The following PHKG2 variants were observed in gnomAD, a reference collection of about 807,000 sequenced individuals.
PHKG2 encodes phosphorylase b kinase gamma catalytic chain, liver/testis isoform.
PHKG2 carries 28 observed loss-of-function variants against 44.5 expected under a neutral mutation model. The observed-to-expected ratio is 0.63, with a 90% CI of 0.47 to 0.86. The LOEUF is 0.86. Ranked by LOEUF, PHKG2 falls within the 40% of genes least tolerant of loss-of-function variation. PHKG2 has a pLI of 0.00. For synonymous variants in PHKG2, 220 were observed against 211.2 expected (o/e 1.04, Z -0.36); for missense variants, 498 against 547.5 (o/e 0.91, Z 0.90).
intron 2 of PHKG2, among the ~76,000 whole-genome samples, 170 bp downstream of exon 2, chr16:30,749,085 GTGGTGCTGCTGCTGCTGCTGC>G (rs1567259465): frequency 0.031 from 766 of 24,702 alleles, 147 homozygotes; most frequent in Non-Finnish European, 0.045. Flanking sequence ...GGTGGTGGTG[GTGGTGCTGCTGCTGCTGCTGC>G]TGCTGGTGGT....
In PHKG2 at chr16:30,757,112, G is replaced by C. The variant is rs1804159; in HGVS notation, c.*15G>C. 3 of 1,612,624 alleles carry C rather than the reference G, an allele frequency of 1.9e-6. No homozygotes were observed. Among genetic ancestry groups the C allele is most frequent in the Non-Finnish European group, 2.5e-6 (3 of 1,180,004 alleles). On this transcript the variant is annotated 3_prime_UTR_variant, in exon 10 of 10. Coordinates refer to ENST00000563588, the MANE Select transcript of PHKG2 (RefSeq NM_000294.3). Reference sequence around the variant, plus strand: ...TGCTGGGCTAGGACCTCAACCCCAGGGATTCCCAGGAAGCAGAACTCTCCA... The same window carrying C: ...TGCTGGGCTAGGACCTCAACCCCAGCGATTCCCAGGAAGCAGAACTCTCCA...
chr16:30,757,712 G>A lies in PHKG2; in HGVS notation c.*615G>A. On this transcript the variant is annotated 3_prime_UTR_variant, in exon 10 of 10. Coordinates refer to ENST00000563588, the MANE Select transcript of PHKG2 (RefSeq NM_000294.3). ...GAGAGATGCTGTCTGGCAATGGGGG[G>A]ATGGTCCCTAGTTGGGCAAACAGTC... The A allele has an allele frequency of 6.5e-7, 1 of 1,548,458 alleles. No individual in the cohort carries two copies.
chr16:30,749,984 C>T (rs1029711668), intron 2 of PHKG2, among the ~76,000 whole-genome samples: 3 of 151,818 alleles, frequency 2.0e-5, no homozygotes, highest in South Asian at 2.1e-4. Flanking sequence ...TCTTTAAAAT[C>T]GCAAAAATGT....
intron 2 of PHKG2, among the ~76,000 whole-genome samples, chr16:30,749,496 C>T (rs1056213982): frequency 5.9e-5 from 9 of 151,712 alleles, no homozygotes; most frequent in Non-Finnish European, 1.3e-4. Flanking sequence ...TACAGGCGCG[C>T]GCCACCACGC....
intron 1 of PHKG2, 61 bp downstream of exon 1, chr16:30,748,551 A>C (rs2053282753): frequency 5.8e-6 from 3 of 519,758 alleles, no homozygotes; most frequent in Non-Finnish European, 1.0e-5. Context: ...CTGCGCGGCA[A>C]CAGCCGCCTG....
At chr16:30,751,488 C>T (rs1008628297) in intron 3 of PHKG2, 61 bp from the exon 4 acceptor site, 10 of 1,505,718 alleles carry the variant, frequency 6.6e-6, no homozygotes, top group African/African-American at 1.4e-5. Context: ...GGCCAAGCCC[C>T]GTTAATGTGC....
chr16:30,760,917 T>C lies in PHKG2; in HGVS notation c.*3820T>C. The C allele has an allele frequency of 1.6e-6, 1 of 613,484 alleles. No homozygotes were observed. Among genetic ancestry groups the C allele is most frequent in the Non-Finnish European group, 2.9e-6 (1 of 347,370 alleles). 38.0% of individuals were successfully genotyped at this position (613,484 alleles called of 1,614,324 possible). On this transcript the variant is annotated 3_prime_UTR_variant, in exon 10 of 10. Transcript: ENST00000563588. ...GCTCTGCCACTACCTTGTATGACCT[T>C]GGTCAAGTACTCCCTGTGGCCCTCA... is the stretch of plus-strand genomic sequence containing the variant.
At chr16:30,750,192 A>C (rs577091481) in intron 2 of PHKG2, among the ~76,000 whole-genome samples, 2 of 152,072 alleles carry the variant, frequency 1.3e-5, no homozygotes, top group Admixed American at 1.3e-4. Flanking sequence ...TGATGTATGA[A>C]TTCAGATTTG....
intron 2 of PHKG2, among the ~76,000 whole-genome samples, chr16:30,749,327 A>C (rs1485383508): frequency 6.6e-6 from 1 of 151,442 alleles, no homozygotes; most frequent in Admixed American, 6.6e-5. Context: ...TCAGGAGAAG[A>C]CTGGATAGTT....
intron 2 of PHKG2, among the ~76,000 whole-genome samples, chr16:30,749,177 G>GT: frequency 7.0e-6 from 1 of 142,948 alleles, no homozygotes; most frequent in Non-Finnish European, 1.5e-5. Context: ...TGGTGCTGGT[G>GT]GTGGTGCTGG....
chr16:30,753,362 G>C, intron 5 of PHKG2, 32 bp from the exon 6 acceptor site: 1 of 1,613,798 alleles, frequency 6.2e-7, no homozygotes, highest in Middle Eastern at 1.6e-4. Flanking sequence ...AGGAGCCGAG[G>C]AGGAGACTGC....
At position 30,757,169 on chromosome 16, in the gene PHKG2, GGGCTC is replaced by G; in HGVS notation, c.*73_*77del. On this transcript the variant is annotated 3_prime_UTR_variant, in exon 10 of 10. Coordinates refer to ENST00000563588, the MANE Select transcript of PHKG2 (RefSeq NM_000294.3). ...GGGTTTTGATCATTCCAGCTCCTCT[GGGCTC>G]TGGCCTCTGGCCTCAGGCCCACTAA... 2.1e-6 allele frequency: 3 copies of G among 1,456,020 alleles called. No homozygotes were observed. The highest frequency in any genetic ancestry group is 2.7e-6 in the Non-Finnish European group (3 of 1,108,154). The allele number at this position is 1,456,020 out of a possible 1,614,324, so 90.2% of individuals were successfully genotyped here.
At position 30,760,344 on chromosome 16, in the gene PHKG2, A is replaced by G; in HGVS notation, c.*3247A>G. 1 of 1,614,242 alleles carries G rather than the reference A, an allele frequency of 6.2e-7. No individual in the cohort carries two copies. Among genetic ancestry groups the G allele is most frequent in the Non-Finnish European group, 8.5e-7 (1 of 1,180,048 alleles). ...CAAGCCGCTGACGTCTGCTCCAGTG[A>G]GAAGCCCTGCTGGCGGCAGAAAATG... is the stretch of plus-strand genomic sequence containing the variant. On this transcript the variant is annotated 3_prime_UTR_variant, in exon 10 of 10. Coordinates refer to ENST00000563588, the MANE Select transcript of PHKG2 (RefSeq NM_000294.3).
Position 30,759,724 on chromosome 16 carries a change from G to A in PHKG2, c.*2627G>A. On this transcript the variant is annotated 3_prime_UTR_variant, in exon 10 of 10. Coordinates refer to ENST00000563588, the MANE Select transcript of PHKG2 (RefSeq NM_000294.3). ...CTCCTCCACGTTGCCCAAGGGGGTT[G>A]CTGGTAGGGAAAGCAAGATGCAGCA... The A allele has an allele frequency of 6.2e-7, 1 of 1,606,532 alleles. No homozygotes were observed. Among genetic ancestry groups the A allele is most frequent in the Non-Finnish European group, 8.5e-7 (1 of 1,175,804 alleles).
In PHKG2 at chr16:30,760,134, A is replaced by G; in HGVS notation, c.*3037A>G. The G allele has an allele frequency of 6.4e-7, 1 of 1,560,030 alleles. No homozygotes were observed. Among genetic ancestry groups the G allele is most frequent in the Non-Finnish European group, 8.6e-7 (1 of 1,159,300 alleles). ...TAATTTCTAGATAAGGAAGCAGTGG[A>G]TTGGAAAGCTGATGGCTTGTGTATG... On this transcript the variant is annotated 3_prime_UTR_variant, in exon 10 of 10. Coordinates refer to ENST00000563588, the MANE Select transcript of PHKG2 (RefSeq NM_000294.3).
intron 4 of PHKG2, chr16:30,752,953 C>A: frequency 8.1e-6 from 4 of 492,710 alleles, no homozygotes; most frequent in Non-Finnish European, 1.5e-5. Context: ...CTTTTTCAGG[C>A]ATAGTTACTC....
At position 30,757,569 on chromosome 16, in the gene PHKG2, G is replaced by T. The variant is rs951819094; in HGVS notation, c.*472G>T. ...TGCTGAGCCTTTCCTCGCTGGCCTTGAGCCGCTCCTCCACCAGCCCCTGGA... is the reference window on the plus strand; with the variant it reads ...TGCTGAGCCTTTCCTCGCTGGCCTTTAGCCGCTCCTCCACCAGCCCCTGGA... On this transcript the variant is annotated 3_prime_UTR_variant, in exon 10 of 10. Coordinates refer to ENST00000563588, the MANE Select transcript of PHKG2 (RefSeq NM_000294.3). 1.2e-6 allele frequency: 2 copies of T among 1,614,068 alleles called. No individual in the cohort carries two copies. Among genetic ancestry groups the T allele is most frequent in the African/African-American group, 1.3e-5 (1 of 74,910 alleles).
chr16:30,760,925 T>TC lies in PHKG2; in HGVS notation c.*3828_*3829insC, dbSNP rs2053728757. 2 of 611,982 alleles carry TC rather than the reference T, an allele frequency of 3.3e-6. No homozygotes were observed. The highest frequency in any genetic ancestry group is 5.8e-5 in the Admixed American group (2 of 34,782). 37.9% of individuals were successfully genotyped at this position (611,982 alleles called of 1,614,324 possible). A position where few individuals can be genotyped will look rare whatever the true frequency, so the allele number is the denominator to read the frequency against. The stretch of plus-strand genomic sequence containing the variant: ...ACTACCTTGTATGACCTTGGTCAAG[T>TC]ACTCCCTGTGGCCCTCAGTGTCCCC... On this transcript the variant is annotated 3_prime_UTR_variant, in exon 10 of 10. Coordinates refer to ENST00000563588, the MANE Select transcript of PHKG2 (RefSeq NM_000294.3).
rs747336871 is a variant in PHKG2 at position 30,760,084 on chromosome 16, T to A, written c.*2987T>A. 1.0e-5 allele frequency: 16 copies of A among 1,536,654 alleles called. No individual in the cohort carries two copies. The highest frequency in any genetic ancestry group is 1.4e-5 in the Non-Finnish European group (16 of 1,147,076). On this transcript the variant is annotated 3_prime_UTR_variant, in exon 10 of 10. Coordinates refer to ENST00000563588, the MANE Select transcript of PHKG2 (RefSeq NM_000294.3). The stretch of plus-strand genomic sequence containing the variant: ...TTGCATATATTATTTCTCAGAACAG[T>A]CCTGTAAAATGTGTGCTGTATCCTT...
Sources: gnomAD v4.1 joint callset for allele counts (sites outside exome capture counted in the v4.1 genomes callset) on GRCh38, gnomAD v4.1.1 for gene constraint, MANE v1.5 for transcripts, NCBI Gene and HGNC (gene_info 2026-07-23, HGNC 2026-07-21) for gene names.